Variants in CRPPA observed in about 807,000 individuals in gnomAD.
The protein encoded by CRPPA is D-ribitol-5-phosphate cytidylyltransferase.
CRPPA carries 43 observed loss-of-function variants against 52.0 expected under a neutral mutation model. The ratio of observed to expected loss-of-function variants is 0.83; its 90% confidence interval spans 0.65 to 1.07. The LOEUF is 1.07. Among genes scored for constraint, CRPPA ranks in the 50% least tolerant of loss-of-function variants. CRPPA has a pLI of 0.00. For missense variants in CRPPA, 629 were observed against 551.7 expected (o/e 1.14, Z -1.40); for synonymous variants, 250 against 203.5 (o/e 1.23, Z -1.94).
chr7:16,406,026 G>A (rs1378301433), intron 2 of CRPPA, 35 bp downstream of exon 2: 2 of 1,592,422 alleles, frequency 1.3e-6, no homozygotes, highest in African/African-American at 2.7e-5. Flanking sequence ...TACAGTGCTT[G>A]TCCCTTCTAT....
chr7:16,132,234 C>A (rs7797685), intron 9 of CRPPA, among the ~76,000 whole-genome samples: 21,313 of 78,082 alleles, frequency 0.27, 6,029 homozygotes, highest in East Asian at 0.6. Context: ...TTCTTCTTTT[C>A]TATTATCCGC....
chr7:16,314,950 T>C (rs1419304116), intron 3 of CRPPA, among the ~76,000 whole-genome samples: 1 of 152,126 alleles, frequency 6.6e-6, no homozygotes, highest in African/African-American at 2.4e-5. Flanking sequence ...TTTCCAGTCA[T>C]TGTTACTTCA....
intron 9 of CRPPA, among the ~76,000 whole-genome samples, chr7:16,162,619 C>T (rs1299889766): frequency 3.3e-5 from 5 of 151,980 alleles, no homozygotes; most frequent in Admixed American, 6.6e-5. Flanking sequence ...TTTTAGAATA[C>T]GTGTGATGTG....
intron 9 of CRPPA, among the ~76,000 whole-genome samples, chr7:16,185,068 A>T (rs184469128): frequency 6.6e-6 from 1 of 152,332 alleles, no homozygotes; most frequent in African/African-American, 2.4e-5. Context: ...CTCCATGTGT[A>T]TTAGTCCATT....
chr7:16,379,665 T>A (rs1442938152), intron 2 of CRPPA, among the ~76,000 whole-genome samples: 1 of 152,208 alleles, frequency 6.6e-6, no homozygotes, highest in East Asian at 1.9e-4. Context: ...TTTTATTTCA[T>A]TGAGCAGTGG....
chr7:16,420,917 A>G, intron 1 of CRPPA, 149 bp downstream of exon 1: 1 of 664,128 alleles, frequency 1.5e-6, no homozygotes, highest in Non-Finnish European at 2.2e-6. Flanking sequence ...CCATCTCTGA[A>G]ATGCGGGAGG....
At chr7:16,406,358 C>A in intron 1 of CRPPA, 21 bp from the exon 2 acceptor site, 1 of 1,591,954 alleles carries the variant, frequency 6.3e-7, no homozygotes, top group Non-Finnish European at 8.6e-7. Flanking sequence ...AGTATATGTA[C>A]AATTCGTAAA....
chr7:16,279,486 T>G (rs1784275245), intron 5 of CRPPA, among the ~76,000 whole-genome samples: 1 of 151,972 alleles, frequency 6.6e-6, no homozygotes, highest in African/African-American at 2.4e-5. Context: ...GGGACATGAG[T>G]AGTAGAAAAA....
chr7:16,184,851 C>T (rs114880271), intron 9 of CRPPA, among the ~76,000 whole-genome samples: 6,845 of 152,114 alleles, frequency 0.045, 180 homozygotes, highest in African/African-American at 0.062. Context: ...TTCTCATAAT[C>T]GTCGTTAGTG....
rs1781730157 is a variant in CRPPA, at chr7:16,087,941, C to T, written c.*3754G>A. On this transcript the variant is annotated 3_prime_UTR_variant, in exon 10 of 10. Transcript: ENST00000407010. ...TGTAATTTGATTTTTATAAGATGATCACTGTATTTACATAAAGTTGAGTTA... is the reference window on the plus strand; with the variant it reads ...TGTAATTTGATTTTTATAAGATGATTACTGTATTTACATAAAGTTGAGTTA... 6.6e-6 allele frequency: 1 copy of T among 152,082 alleles called. No homozygotes were observed. Among genetic ancestry groups the T allele is most frequent in the Non-Finnish European group, 1.5e-5 (1 of 68,004 alleles). 9.4% of individuals were successfully genotyped at this position (152,082 alleles called of 1,614,324 possible). A position where few individuals can be genotyped will look rare whatever the true frequency, so the allele number is the denominator to read the frequency against.
chr7:16,326,769 T>C (rs952493477), intron 3 of CRPPA, among the ~76,000 whole-genome samples: 3 of 152,200 alleles, frequency 2.0e-5, no homozygotes, highest in African/African-American at 7.2e-5. Flanking sequence ...ATGATTACAC[T>C]AGAGACCAAA....
intron 5 of CRPPA, among the ~76,000 whole-genome samples, chr7:16,289,678 C>T (rs1259371283): frequency 6.6e-6 from 1 of 151,996 alleles, no homozygotes; most frequent in Non-Finnish European, 1.5e-5. Flanking sequence ...AGAGACATAC[C>T]TCAACACAAT....
intron 9 of CRPPA, among the ~76,000 whole-genome samples, chr7:16,177,198 T>A (rs1017051503): frequency 4.6e-5 from 7 of 152,102 alleles, no homozygotes; most frequent in African/African-American, 1.4e-4. Context: ...ATTTTTGTAG[T>A]GGAGGAACTG....
At chr7:16,200,406 T>C (rs1257147515) in intron 9 of CRPPA, among the ~76,000 whole-genome samples, 1 of 152,088 alleles carries the variant, frequency 6.6e-6, no homozygotes, top group Non-Finnish European at 1.5e-5. Context: ...ACACAAAGAG[T>C]AGTATTTATT....
At chr7:16,325,290 C>A (rs1785356453) in intron 3 of CRPPA, among the ~76,000 whole-genome samples, 1 of 152,090 alleles carries the variant, frequency 6.6e-6, no homozygotes, top group Non-Finnish European at 1.5e-5. Context: ...GCAGAAATTA[C>A]ACGGAAACAA....
chr7:16,163,442 A>T (rs778116259), intron 9 of CRPPA, among the ~76,000 whole-genome samples: 1 of 151,932 alleles, frequency 6.6e-6, no homozygotes, highest in Non-Finnish European at 1.5e-5. Flanking sequence ...TTAATACAGC[A>T]CACTGATGGG....
chr7:16,375,058 AT>A (rs150327372), intron 3 of CRPPA, among the ~76,000 whole-genome samples: 43 of 152,298 alleles, frequency 2.8e-4, no homozygotes, highest in African/African-American at 9.9e-4. Flanking sequence ...GCAATTAGAC[AT>A]CTGTGACCTT....
chr7:16,180,156 G>A (rs1267026395), intron 9 of CRPPA, among the ~76,000 whole-genome samples: 1 of 151,990 alleles, frequency 6.6e-6, no homozygotes, highest in Non-Finnish European at 1.5e-5. Flanking sequence ...TTGCATGTTA[G>A]AATTACCAGG....
chr7:16,178,675 T>C (rs1052866190), intron 9 of CRPPA, among the ~76,000 whole-genome samples: 2 of 152,102 alleles, frequency 1.3e-5, no homozygotes, highest in Admixed American at 6.6e-5. Context: ...TATTTTTATA[T>C]CATTATAGCT....
Sources: allele counts gnomAD v4.1 joint callset (sites outside exome capture counted in the v4.1 genomes callset), GRCh38; gene constraint gnomAD v4.1.1; transcripts MANE v1.5; gene names NCBI Gene and HGNC (gene_info 2026-07-23, HGNC 2026-07-21).